CIITA: variants seen among roughly 807,000 people sequenced by gnomAD.
The protein encoded by CIITA is MHC class II transactivator.
A neutral mutation model predicts 115.1 loss-of-function variants in CIITA; 72 were observed. The observed-to-expected ratio is 0.63, with a 90% CI of 0.52 to 0.76. The LOEUF (loss-of-function observed/expected upper bound fraction) is 0.76. CIITA is among the 30% of genes least tolerant of loss of function. The pLI, the probability that CIITA is intolerant of heterozygous loss-of-function variation, is 0.00. For synonymous variants in CIITA, 763 were observed against 635.6 expected (o/e 1.20, Z -3.02); for missense variants, 1,617 against 1,463.8 (o/e 1.10, Z -1.71).
chr16:10,904,900 C>A (rs1436505588), intron 10 of CIITA, 88 bp downstream of exon 10: 1 of 1,341,222 alleles, frequency 7.5e-7, no homozygotes, highest in African/African-American at 1.4e-5. Context: ...GACACTTATT[C>A]AACCCCTTCT....
chr16:10,884,246 T>C (rs1334914088), intron 1 of CIITA, among the ~76,000 whole-genome samples: 1 of 150,128 alleles, frequency 6.7e-6, no homozygotes, highest in Non-Finnish European at 1.5e-5. Context: ...AGTTACTTTG[T>C]TTGCCAGAGG....
intron 1 of CIITA, among the ~76,000 whole-genome samples, chr16:10,890,427 C>T (rs1026495279): frequency 6.6e-6 from 1 of 152,132 alleles, no homozygotes; most frequent in Non-Finnish European, 1.5e-5. Context: ...GCTGGTTCTA[C>T]AGATGCACAT....
At position 10,932,255 on chromosome 16, in the gene CIITA, A is replaced by G. The variant is rs574792912; in HGVS notation, c.*8400A>G. ...TGTGTCTTGCAATGGCAGCCTTGGC[A>G]AACGCTAAATGAAAATCGTGACAAC... On this transcript the variant is annotated 3_prime_UTR_variant, in exon 20 of 20. Coordinates refer to ENST00000324288, the MANE Select transcript of CIITA (RefSeq NM_000246.4). The G allele has an allele frequency of 6.6e-6, 1 of 152,370 alleles. No homozygotes were observed. The highest frequency in any genetic ancestry group is 2.4e-5 in the African/African-American group (1 of 41,586). The allele number at this position is 152,370 out of a possible 1,614,324, so 9.4% of individuals were successfully genotyped here.
Position 10,941,522 on chromosome 16 carries a change from T to A in CIITA, n.648T>A. 1 of 1,397,308 alleles carries A rather than the reference T, an allele frequency of 7.2e-7. No homozygotes were observed. Among genetic ancestry groups the A allele is most frequent in the South Asian group, 1.7e-5 (1 of 59,960 alleles). 86.6% of individuals were successfully genotyped at this position (1,397,308 alleles called of 1,614,324 possible). On this transcript the variant is annotated non_coding_transcript_exon_variant, in exon 2 of 2. Transcript: ENST00000573379. The surrounding 1 kb of genome is among the most constrained non-coding windows in gnomAD (Gnocchi z 6.4). Reference sequence around the variant, plus strand: ...GGCCTGGGAATTCCTCCCTCTCCCTTGCTAGCGCCCCAACCCGCCCTCATC... The same window carrying A: ...GGCCTGGGAATTCCTCCCTCTCCCTAGCTAGCGCCCCAACCCGCCCTCATC...
rs762919899 is a variant in CIITA at position 10,902,191 on chromosome 16, TA to T, written c.628+8del. 1.2e-6 allele frequency: 2 copies of T among 1,613,912 alleles called. No homozygotes were observed. Among genetic ancestry groups the T allele is most frequent in the Non-Finnish European group, 1.7e-6 (2 of 1,179,968 alleles). On this transcript the variant is annotated splice_region_variant and intron_variant, in intron 7 of 19. Transcript: ENST00000324288. ...AAAACCGACCAGATTCCCAGTATGTTAGGGGGCTTGGAGAGAGTGGGCTTTC... is the reference window on the plus strand; with the variant it reads ...AAAACCGACCAGATTCCCAGTATGTTGGGGGCTTGGAGAGAGTGGGCTTTC...
chr16:10,868,590 G>A (rs987707708), intron 1 of CIITA, among the ~76,000 whole-genome samples: 6 of 152,150 alleles, frequency 3.9e-5, no homozygotes, highest in African/African-American at 1.4e-4. Flanking sequence ...CTCAACAGGG[G>A]CGCAGACAGC....
In CIITA at chr16:10,934,251, A is replaced by G. The variant is rs1481573746; in HGVS notation, c.*10396A>G. ...GACTATTATTTACTTAGTATTTTAA[A>G]CCAATGTACTTTTTAAACTCCAATT... On this transcript the variant is annotated 3_prime_UTR_variant, in exon 20 of 20. Coordinates refer to ENST00000324288, the MANE Select transcript of CIITA (RefSeq NM_000246.4). This position sits in a 1 kb window ranked among gnomAD's most constrained non-coding sequence, Gnocchi z 4.2. 2 of 152,238 alleles carry G rather than the reference A, an allele frequency of 1.3e-5. No homozygotes were observed. The highest frequency in any genetic ancestry group is 1.9e-4 in the East Asian group (1 of 5,200). 9.4% of individuals were successfully genotyped at this position (152,238 alleles called of 1,614,324 possible). A position where few individuals can be genotyped will look rare whatever the true frequency, so the allele number is the denominator to read the frequency against.
chr16:10,892,987 T>G (rs2144171498), intron 1 of CIITA, among the ~76,000 whole-genome samples: 1 of 152,278 alleles, frequency 6.6e-6, no homozygotes, highest in East Asian at 1.9e-4. Flanking sequence ...CTGGATTATC[T>G]AGGTGGGTCC....
At chr16:10,919,449 G>A (rs1243288418) in intron 16 of CIITA, among the ~76,000 whole-genome samples, 1 of 152,094 alleles carries the variant, frequency 6.6e-6, no homozygotes, top group African/African-American at 2.4e-5. Flanking sequence ...CACCTGCCTC[G>A]GCCTCCCAAA....
intron 13 of CIITA, among the ~76,000 whole-genome samples, chr16:10,913,126 C>G (rs2039693473): frequency 6.6e-6 from 1 of 152,268 alleles, no homozygotes; most frequent in Admixed American, 6.5e-5. Context: ...ATGCTTCTGC[C>G]TCCAGGCCTT....
chr16:10,892,223 T>C (rs1040209710), intron 1 of CIITA, among the ~76,000 whole-genome samples: 1 of 151,616 alleles, frequency 6.6e-6, no homozygotes, highest in African/African-American at 2.4e-5. Context: ...ACTTGGGAGG[T>C]TGAAGCAGGA....
At chr16:10,866,978 G>C (rs117326952) in intron 1 of CIITA, among the ~76,000 whole-genome samples, 9 of 152,320 alleles carry the variant, frequency 5.9e-5, no homozygotes, top group African/African-American at 2.2e-4. Flanking sequence ...GGGTGCACTG[G>C]CTCACGCCTG....
At position 10,929,510 on chromosome 16, in the gene CIITA, G is replaced by T. The variant is rs573585294; in HGVS notation, c.*5655G>T. ...CCCAATCTCTCTTCCACTCTCCTGGGTTCAAACAGGAACCTCTCTGTTGGC... is the reference window on the plus strand; with the variant it reads ...CCCAATCTCTCTTCCACTCTCCTGGTTTCAAACAGGAACCTCTCTGTTGGC... On this transcript the variant is annotated 3_prime_UTR_variant, in exon 20 of 20. Coordinates refer to ENST00000324288, the MANE Select transcript of CIITA (RefSeq NM_000246.4). The surrounding 1 kb of genome is among the most constrained non-coding windows in gnomAD (Gnocchi z 4.3). 1.9e-5 allele frequency: 19 copies of T among 985,624 alleles called. No individual in the cohort carries two copies. The African/African-American group carries it at 2.8e-4, about 14-fold the overall frequency. 61.1% of individuals were successfully genotyped at this position (985,624 alleles called of 1,614,324 possible). A position where few individuals can be genotyped will look rare whatever the true frequency, so the allele number is the denominator to read the frequency against.
chr16:10,905,351 T>G (rs1250978417), intron 10 of CIITA, among the ~76,000 whole-genome samples: 6 of 152,180 alleles, frequency 3.9e-5, no homozygotes, highest in African/African-American at 1.4e-4. Flanking sequence ...GAACCGGGAT[T>G]TGAACCCAGA....
intron 1 of CIITA, among the ~76,000 whole-genome samples, chr16:10,880,159 C>T (rs1276330027): frequency 6.6e-6 from 1 of 152,234 alleles, no homozygotes; most frequent in Non-Finnish European, 1.5e-5. Flanking sequence ...TGGTCTCCAA[C>T]AATCTCAGAG....
Position 10,906,694 on chromosome 16 carries a change from T to C in CIITA, c.1202T>C (p.Leu401Pro). Residue 401 changes from leucine to proline, a missense_variant, in exon 11 of 20, where the codon CTG becomes CCG. Transcript: ENST00000324288. ...GCCCAAGGAGGCCTGGCTGAGGTGCTGTTGGCTGCCAAGGAGCACCGGCGG... is the reference window on the plus strand; with the variant it reads ...GCCCAAGGAGGCCTGGCTGAGGTGCCGTTGGCTGCCAAGGAGCACCGGCGG... ...QLAQGGLAEV[L>P]LAAKEHRRPR... 2 of 1,612,934 alleles carry C rather than the reference T, an allele frequency of 1.2e-6. No individual in the cohort carries two copies. The highest frequency in any genetic ancestry group is 1.7e-6 in the Non-Finnish European group (2 of 1,179,980).
chr16:10,883,124 G>A (rs978253158), intron 1 of CIITA, among the ~76,000 whole-genome samples: 1 of 152,148 alleles, frequency 6.6e-6, no homozygotes, highest in Non-Finnish European at 1.5e-5. Context: ...CTGGCGGGGG[G>A]ACTGTGTTAA....
Position 10,907,544 on chromosome 16 carries a change from C to T in CIITA, c.2052C>T (p.Asp684=), listed in dbSNP as rs771174153. The T allele has an allele frequency of 9.3e-6, 15 of 1,614,048 alleles. No individual in the cohort carries two copies. Among genetic ancestry groups the T allele is most frequent in the South Asian group, 7.7e-5 (7 of 91,090 alleles). ...TLQEDQFPSA[D]VRTWAMAKGL... Reference sequence around the variant, plus strand: ...AGGAGGACCAGTTCCCATCCGCAGACGTGAGGACCTGGGCGATGGCCAAAG... The same window carrying T: ...AGGAGGACCAGTTCCCATCCGCAGATGTGAGGACCTGGGCGATGGCCAAAG... The change falls in exon 11 of 20, where the codon GAC becomes GAT. Residue 684 remains aspartate (D), a synonymous_variant. Coordinates refer to ENST00000324288, the MANE Select transcript of CIITA (RefSeq NM_000246.4). The surrounding 1 kb of genome is among the most constrained non-coding windows in gnomAD (Gnocchi z 5.0).
At chr16:10,867,440 AAGAC>A (rs1025473932) in intron 1 of CIITA, among the ~76,000 whole-genome samples, 8 of 151,774 alleles carry the variant, frequency 5.3e-5, no homozygotes, top group African/African-American at 1.7e-4. Context: ...AAGGGAGAGA[AAGAC>A]AGACACAGAA....
Sources: allele counts gnomAD v4.1 joint callset (sites outside exome capture counted in the v4.1 genomes callset), GRCh38; gene constraint gnomAD v4.1.1; non-coding constraint Gnocchi (gnomAD v3.1); transcripts MANE v1.5; gene names NCBI Gene and HGNC (gene_info 2026-07-23, HGNC 2026-07-21).